Variants in XPO6 observed in about 807,000 individuals in gnomAD.
XPO6 encodes the protein exportin-6.
XPO6 carries 3 observed loss-of-function variants against 130.0 expected under a neutral mutation model. The observed-to-expected ratio is 0.02, with a 90% CI of 0.01 to 0.06. The LOEUF (loss-of-function observed/expected upper bound fraction) is 0.06, where lower values mean the gene tolerates loss of function less well. XPO6 is among the 10% of genes least tolerant of loss of function. The pLI, the probability that XPO6 is intolerant of heterozygous loss-of-function variation, is 1.00. For missense variants in XPO6, 970 were observed against 1,393.0 expected (o/e 0.70, Z 4.83); for synonymous variants, 524 against 548.9 (o/e 0.95, Z 0.63).
At position 28,211,695 on chromosome 16, in the gene XPO6, C is replaced by G; in HGVS notation, c.-327G>C. ...GGCCCGACCCCCGCGGGGGAGGCTG[C>G]GGGCCCAGGCAGGGGCTCCCCGGCC... On this transcript the variant is annotated 5_prime_UTR_variant, in exon 1 of 24. Coordinates refer to ENST00000304658, the MANE Select transcript of XPO6 (RefSeq NM_015171.4). 1 of 389,466 alleles carries G rather than the reference C, an allele frequency of 2.6e-6. No individual in the cohort carries two copies. Among genetic ancestry groups the G allele is most frequent in the African/African-American group, 2.1e-5 (1 of 48,226 alleles). The allele number at this position is 389,466 out of a possible 1,614,324, so 24.1% of individuals were successfully genotyped here. A position where few individuals can be genotyped will look rare whatever the true frequency, so the allele number is the denominator to read the frequency against.
At chr16:28,198,918 T>C (rs1387478406) in intron 1 of XPO6, among the ~76,000 whole-genome samples, 3 of 151,982 alleles carry the variant, frequency 2.0e-5, no homozygotes, top group Non-Finnish European at 4.4e-5. Context: ...CCGAGGTGGG[T>C]GGATCACCTG....
At chr16:28,186,671 A>ACTTTTTTTT (rs2043700946) in intron 1 of XPO6, among the ~76,000 whole-genome samples, 1 of 90,340 alleles carries the variant, frequency 1.1e-5, no homozygotes, top group African/African-American at 3.4e-5. Context: ...CATTCAGCCT[A>ACTTTTTTTT]ATTTTTTTTT....
At chr16:28,126,290 G>C (rs538456919) in intron 12 of XPO6, among the ~76,000 whole-genome samples, 1 of 152,314 alleles carries the variant, frequency 6.6e-6, no homozygotes, top group Admixed American at 6.5e-5. Flanking sequence ...CTTTAGGATA[G>C]GGCCCTATCT....
rs186815034 is a variant in XPO6, at chr16:28,139,378, G to A, written c.1335-4054C>T. 1.4e-4 allele frequency among the ~76,000 whole-genome samples: 21 copies of A among 152,314 alleles called. No homozygotes were observed. The East Asian group carries it at 4.0e-3, about 29-fold the overall frequency. On this transcript the variant is annotated intron_variant, in intron 9 of 23. Coordinates refer to ENST00000304658, the MANE Select transcript of XPO6 (RefSeq NM_015171.4). ...GAGAAAATAAATTTCTGTTGTTTAA[G>A]GCCAGCCTGTGGTATTTTGTTATGG...
chr16:28,196,050 G>A (rs562948589), intron 1 of XPO6, among the ~76,000 whole-genome samples: 4 of 152,110 alleles, frequency 2.6e-5, no homozygotes, highest in African/African-American at 9.7e-5. Flanking sequence ...GCCATTCACT[G>A]GCTTTCACTC....
chr16:28,108,652 T>C (rs1226909644), intron 17 of XPO6, among the ~76,000 whole-genome samples: 1 of 152,108 alleles, frequency 6.6e-6, no homozygotes, highest in Non-Finnish European at 1.5e-5. Flanking sequence ...CCTAGCAGAC[T>C]CAACCCTGGC....
intron 1 of XPO6, among the ~76,000 whole-genome samples, chr16:28,207,105 G>T (rs1596982000): frequency 6.6e-6 from 1 of 152,100 alleles, no homozygotes; most frequent in African/African-American, 2.4e-5. Flanking sequence ...AAAATTAGCC[G>T]GGTATGGTGG....
At chr16:28,171,119 G>C (rs1045005671) in intron 4 of XPO6, among the ~76,000 whole-genome samples, 3 of 150,144 alleles carry the variant, frequency 2.0e-5, no homozygotes, top group African/African-American at 7.4e-5. Flanking sequence ...AAACTTTAGG[G>C]AAGAGCAGAA....
At chr16:28,128,650 C>T (rs1290982512) in intron 12 of XPO6, among the ~76,000 whole-genome samples, 2 of 152,178 alleles carry the variant, frequency 1.3e-5, no homozygotes, top group Non-Finnish European at 2.9e-5. Flanking sequence ...GCTTAAAAGT[C>T]GCCCTGACCA....
intron 10 of XPO6, 29 bp from the exon 11 acceptor site, chr16:28,133,962 C>A (rs1358041402): frequency 6.2e-7 from 1 of 1,610,012 alleles, no homozygotes; most frequent in Admixed American, 1.7e-5. Flanking sequence ...AGAATCAGCT[C>A]TCCCAGAATC....
At chr16:28,127,576 T>A (rs1297966066) in intron 12 of XPO6, among the ~76,000 whole-genome samples, 4 of 152,170 alleles carry the variant, frequency 2.6e-5, no homozygotes, top group Admixed American at 2.6e-4. Context: ...AATACTGGCA[T>A]GTATTACTGA....
At chr16:28,108,782 G>C (rs8061454) in intron 17 of XPO6, among the ~76,000 whole-genome samples, 173 of 152,340 alleles carry the variant, frequency 1.1e-3, no homozygotes, top group African/African-American at 4.0e-3. Flanking sequence ...CTTTGAGGAA[G>C]GGGTACGGCA....
rs184317423 is a variant in XPO6, at chr16:28,136,495, C to T, written c.1335-1171G>A. On this transcript the variant is annotated intron_variant, in intron 9 of 23. Transcript: ENST00000304658. ...TCGACCTCCCAAAGTGTCAGGATTA[C>T]AGGCGTGATCCCGCGCCCAGCACCA... is the stretch of plus-strand genomic sequence containing the variant. Among the ~76,000 whole-genome samples the T allele has an allele frequency of 7.2e-5, 11 of 152,360 alleles. No individual in the cohort carries two copies. In the East Asian group the frequency reaches 2.1e-3, roughly 29 times the overall value.
At chr16:28,110,612 G>A (rs1229011900) in intron 17 of XPO6, among the ~76,000 whole-genome samples, 3 of 152,178 alleles carry the variant, frequency 2.0e-5, no homozygotes, top group African/African-American at 4.8e-5. Flanking sequence ...GATAAAGTGC[G>A]GAAAGGAGAC....
chr16:28,189,292 G>A (rs2043747986), intron 1 of XPO6, among the ~76,000 whole-genome samples: 1 of 150,352 alleles, frequency 6.7e-6, no homozygotes, highest in Admixed American at 6.6e-5. Context: ...ATATTGAAGT[G>A]GAAATCTCAC....
At chr16:28,209,250 G>A (rs1434834850) in intron 1 of XPO6, 1 of 152,182 alleles carries the variant, frequency 6.6e-6, no homozygotes, top group Non-Finnish European at 1.5e-5. Context: ...GCACAACAAT[G>A]TGAATGTTCT....
intron 17 of XPO6, chr16:28,111,428 C>T (rs1323085901): frequency 6.3e-6 from 1 of 157,880 alleles, no homozygotes; most frequent in Non-Finnish European, 1.4e-5. Flanking sequence ...AAAAATAGTT[C>T]TTGAGCGCAT....
intron 6 of XPO6, among the ~76,000 whole-genome samples, chr16:28,159,811 A>G (rs1217731604): frequency 2.0e-5 from 3 of 152,246 alleles, no homozygotes; most frequent in African/African-American, 7.2e-5. Context: ...CCATAAAGGT[A>G]TCTTTTAGAA....
At chr16:28,194,031 C>T (rs116958284) in intron 1 of XPO6, among the ~76,000 whole-genome samples, 1,871 of 152,192 alleles carry the variant, frequency 0.012, 22 homozygotes, top group Admixed American at 0.025. Flanking sequence ...TTCCTGATTA[C>T]TTATCTGCTT....
Sources: gnomAD v4.1 joint callset for allele counts (sites outside exome capture counted in the v4.1 genomes callset) on GRCh38, gnomAD v4.1.1 for gene constraint, MANE v1.5 for transcripts, NCBI Gene and HGNC (gene_info 2026-07-23, HGNC 2026-07-21) for gene names.